Variants in DLGAP2 observed in about 807,000 individuals in gnomAD.
DLGAP2 encodes disks large-associated protein 2.
In DLGAP2, 26 loss-of-function variants were observed where a neutral mutation model predicts 100.3. The ratio of observed to expected loss-of-function variants is 0.26; its 90% confidence interval spans 0.19 to 0.36. DLGAP2 has a LOEUF of 0.36. Ranked by LOEUF, DLGAP2 falls within the 10% of genes least tolerant of loss-of-function variation. The probability of loss-of-function intolerance (pLI) is 1.00; values close to 1 mark genes in which losing one functional copy is unlikely to be tolerated. For synonymous variants in DLGAP2, 886 were observed against 630.1 expected, an observed-to-expected ratio of 1.41 and a Z score of -6.08; for missense variants, 1,858 against 1,453.2, an observed-to-expected ratio of 1.28 and a Z score of -4.53.
chr8:1,329,970 C>G (rs541766216), intron 3 of DLGAP2, among the ~76,000 whole-genome samples: 1 of 152,362 alleles, frequency 6.6e-6, no homozygotes, highest in African/African-American at 2.4e-5. Flanking sequence ...GATTCACTTG[C>G]TTGTCTGACT....
rs544260489 is a variant in DLGAP2 at position 1,031,185 on chromosome 8, G to A, written c.73+123219G>A. ...ATGCCGCCTGTGCCTCACCCAATAC[G>A]TACACACTCAGTGTCCTTTATGGAA... On this transcript the variant is annotated intron_variant, in intron 2 of 14. Coordinates refer to ENST00000637795, the MANE Select transcript of DLGAP2 (RefSeq NM_001346810.2). Among the ~76,000 whole-genome samples the A allele has an allele frequency of 3.3e-5, 5 of 152,052 alleles. No individual in the cohort carries two copies. The South Asian group carries it at 6.2e-4, about 19-fold the overall frequency.
intron 3 of DLGAP2, among the ~76,000 whole-genome samples, chr8:1,272,069 G>T (rs1799595010): frequency 6.6e-6 from 1 of 152,138 alleles, no homozygotes; most frequent in Non-Finnish European, 1.5e-5. Context: ...GCCTGCCTCA[G>T]GCTCCCAAAA....
chr8:1,342,646 G>A (rs761341622), intron 3 of DLGAP2, among the ~76,000 whole-genome samples: 5 of 152,198 alleles, frequency 3.3e-5, no homozygotes, highest in Admixed American at 1.3e-4. Context: ...TATCACATGC[G>A]AATGCTGAAT....
At chr8:1,314,515 A>G (rs558188707) in intron 3 of DLGAP2, among the ~76,000 whole-genome samples, 2 of 152,346 alleles carry the variant, frequency 1.3e-5, no homozygotes, top group Non-Finnish European at 2.9e-5. Flanking sequence ...CACTTTTAAC[A>G]TGTCAGGGGA....
chr8:740,852 C>G (rs1008753935), intron 1 of DLGAP2, among the ~76,000 whole-genome samples: 1 of 152,084 alleles, frequency 6.6e-6, no homozygotes, highest in Non-Finnish European at 1.5e-5. Context: ...ATTAAATATT[C>G]TATTTATTGA....
At chr8:1,504,685 C>G (rs1299747897) in intron 4 of DLGAP2, among the ~76,000 whole-genome samples, 1 of 152,190 alleles carries the variant, frequency 6.6e-6, no homozygotes, top group Admixed American at 6.5e-5. Flanking sequence ...GCATGATGTC[C>G]TCCAGGCTCA....
intron 4 of DLGAP2, among the ~76,000 whole-genome samples, chr8:1,529,666 G>A (rs1459764525): frequency 2.6e-5 from 4 of 152,292 alleles, no homozygotes; most frequent in Non-Finnish European, 5.9e-5. Context: ...CAGAAGTTAA[G>A]CTTGAACAAT....
chr8:1,077,065 G>A (rs2129038604), intron 2 of DLGAP2, among the ~76,000 whole-genome samples: 1 of 152,010 alleles, frequency 6.6e-6, no homozygotes, highest in East Asian at 1.9e-4. Context: ...GTCTGTCCCG[G>A]GCTCCCCCAC....
chr8:1,569,958 G>A (rs1313071136), intron 6 of DLGAP2, among the ~76,000 whole-genome samples: 1 of 152,192 alleles, frequency 6.6e-6, no homozygotes, highest in African/African-American at 2.4e-5. Context: ...GCACTGCTCT[G>A]TGGAGGGCAG....
chr8:807,879 C>T (rs901156814), intron 1 of DLGAP2, among the ~76,000 whole-genome samples: 1 of 152,154 alleles, frequency 6.6e-6, no homozygotes, highest in Non-Finnish European at 1.5e-5. Flanking sequence ...AGGAGTAAAT[C>T]ACAGCAGCCG....
At chr8:816,561 C>T (rs1796484781) in intron 1 of DLGAP2, among the ~76,000 whole-genome samples, 1 of 152,156 alleles carries the variant, frequency 6.6e-6, no homozygotes, top group African/African-American at 2.4e-5. Flanking sequence ...CCAGTGCCTT[C>T]TAGCTTTTAG....
chr8:908,412 C>T (rs1195990634), intron 2 of DLGAP2, among the ~76,000 whole-genome samples: 1 of 152,172 alleles, frequency 6.6e-6, no homozygotes, highest in African/African-American at 2.4e-5. Context: ...ATGTTATGTT[C>T]TGGAAACCCC....
chr8:1,645,377 T>C (rs551966633), intron 8 of DLGAP2, among the ~76,000 whole-genome samples: 1 of 152,340 alleles, frequency 6.6e-6, no homozygotes, highest in East Asian at 1.9e-4. Flanking sequence ...GTTGGCCAAC[T>C]GCAGGCCAGT....
At chr8:766,933 G>C (rs1369674737) in intron 1 of DLGAP2, among the ~76,000 whole-genome samples, 1 of 152,176 alleles carries the variant, frequency 6.6e-6, no homozygotes, top group African/African-American at 2.4e-5. Context: ...ACAGTGAGGG[G>C]ACATCCAAGG....
chr8:920,582 C>A (rs922328575), intron 2 of DLGAP2, among the ~76,000 whole-genome samples: 1 of 151,874 alleles, frequency 6.6e-6, no homozygotes, highest in African/African-American at 2.4e-5. Flanking sequence ...ATGGTGAGAC[C>A]CCATCTCTAC....
At position 1,648,775 on chromosome 8, in the gene DLGAP2, A is replaced by G. The variant is rs546618460; in HGVS notation, c.1810+15729A>G. On this transcript the variant is annotated intron_variant, in intron 8 of 14. Transcript: ENST00000637795. The stretch of plus-strand genomic sequence containing the variant: ...CCCTGGTCCCCTCAGTCATGTCTCT[A>G]CTGAGTACAGGCTTTTGTGAAAGTC... 3.9e-5 allele frequency among the ~76,000 whole-genome samples: 6 copies of G among 152,242 alleles called. No individual in the cohort carries two copies. In the South Asian group the frequency reaches 8.3e-4, roughly 21 times the overall value.
intron 2 of DLGAP2, among the ~76,000 whole-genome samples, chr8:1,193,680 C>T (rs1020608789): frequency 6.6e-5 from 10 of 152,138 alleles, no homozygotes; most frequent in African/African-American, 2.2e-4. Flanking sequence ...CCATTGAAGC[C>T]ACCTGAGTCT....
intron 1 of DLGAP2, among the ~76,000 whole-genome samples, chr8:875,430 C>G (rs1220814912): frequency 6.6e-6 from 1 of 152,144 alleles, no homozygotes; most frequent in Non-Finnish European, 1.5e-5. Flanking sequence ...TTCCTCCATG[C>G]TATTCTCGTG....
intron 3 of DLGAP2, among the ~76,000 whole-genome samples, chr8:1,279,529 T>C (rs1005529210): frequency 1.4e-4 from 22 of 152,334 alleles, no homozygotes; most frequent in African/African-American, 5.3e-4. Flanking sequence ...TAGATTTCTA[T>C]GGCTGCATAA....
Sources: gnomAD v4.1 joint callset for allele counts (sites outside exome capture counted in the v4.1 genomes callset) on GRCh38, gnomAD v4.1.1 for gene constraint, MANE v1.5 for transcripts, NCBI Gene and HGNC (gene_info 2026-07-23, HGNC 2026-07-21) for gene names.